SAMD12: variants seen among roughly 807,000 people sequenced by gnomAD.
SAMD12 encodes the protein sterile alpha motif domain containing 12.
Under a neutral mutation model 15.0 loss-of-function variants are expected in SAMD12, and 9 were observed. The ratio of observed to expected loss-of-function variants is 0.60; its 90% CI spans 0.36 to 1.05. SAMD12 has a LOEUF of 1.05. Among genes scored for constraint, SAMD12 ranks in the 50% least tolerant of loss-of-function variants. The pLI is 0.01. For synonymous variants in SAMD12, 86 were observed against 90.1 expected, an observed-to-expected ratio of 0.96 and a Z score of 0.25; for missense variants, 230 against 234.2, an observed-to-expected ratio of 0.98 and a Z score of 0.12.
chr8:118,198,821 C>A (rs1485075448), intron 4 of SAMD12, among the ~76,000 whole-genome samples: 2 of 151,696 alleles, frequency 1.3e-5, no homozygotes, highest in African/African-American at 2.4e-5. Flanking sequence ...TCAATTTATT[C>A]AAAAATTATT....
chr8:118,408,215 G>T (rs1821227822), intron 3 of SAMD12, among the ~76,000 whole-genome samples: 1 of 152,194 alleles, frequency 6.6e-6, no homozygotes, highest in African/African-American at 2.4e-5. Context: ...TGCTACAAAA[G>T]ACCAGATAAA....
At chr8:118,598,064 G>T (rs990113725) in intron 1 of SAMD12, among the ~76,000 whole-genome samples, 1 of 152,056 alleles carries the variant, frequency 6.6e-6, no homozygotes, top group African/African-American at 2.4e-5. Flanking sequence ...CTTCTGTAAG[G>T]CTTCTTTAGC....
At chr8:118,586,101 G>A (rs1160442170) in intron 1 of SAMD12, among the ~76,000 whole-genome samples, 3 of 152,110 alleles carry the variant, frequency 2.0e-5, no homozygotes, top group Admixed American at 6.5e-5. Flanking sequence ...CCCTCAGAAT[G>A]AGCTGGCTCC....
intron 2 of SAMD12, among the ~76,000 whole-genome samples, chr8:118,568,257 A>T (rs974275322): frequency 2.0e-5 from 3 of 152,200 alleles, no homozygotes; most frequent in African/African-American, 7.2e-5. Context: ...CAAGGAAAGA[A>T]GATTCAAGGC....
intron 3 of SAMD12, among the ~76,000 whole-genome samples, chr8:118,430,503 C>G (rs1252120409): frequency 6.6e-6 from 1 of 151,988 alleles, no homozygotes; most frequent in Non-Finnish European, 1.5e-5. Context: ...GCTGGGACTA[C>G]AGGTGTATGC....
At chr8:118,516,306 A>G (rs1473610033) in intron 2 of SAMD12, among the ~76,000 whole-genome samples, 1 of 152,240 alleles carries the variant, frequency 6.6e-6, no homozygotes, top group Non-Finnish European at 1.5e-5. Context: ...CTGCTTTACA[A>G]TAGTTTGCTA....
intron 4 of SAMD12, among the ~76,000 whole-genome samples, chr8:118,311,751 GT>G (rs1363534894): frequency 2.0e-5 from 3 of 152,080 alleles, no homozygotes; most frequent in Non-Finnish European, 4.4e-5. Flanking sequence ...CAGAAACTCT[GT>G]TTTCCTCAGC....
At chr8:118,468,518 C>T (rs374692726) in intron 2 of SAMD12, among the ~76,000 whole-genome samples, 6 of 152,098 alleles carry the variant, frequency 3.9e-5, no homozygotes, top group African/African-American at 1.5e-4. Context: ...TGATATGAAG[C>T]AATGTTCTAT....
the SAMD12 span, among the ~76,000 whole-genome samples, chr8:118,160,921 C>A: frequency 6.6e-6 from 1 of 152,066 alleles, no homozygotes; most frequent in Non-Finnish European, 1.5e-5. Flanking sequence ...TTAGGTATAT[C>A]TCCTAATGCT....
At chr8:118,176,934 T>C in the SAMD12 span, among the ~76,000 whole-genome samples, 1 of 152,278 alleles carries the variant, frequency 6.6e-6, no homozygotes, top group South Asian at 2.1e-4. Context: ...TGTGGGAAAG[T>C]GGTCATTTGG....
intron 2 of SAMD12, among the ~76,000 whole-genome samples, chr8:118,442,289 T>C (rs774480675): frequency 3.9e-5 from 6 of 152,218 alleles, no homozygotes; most frequent in Non-Finnish European, 5.9e-5. Flanking sequence ...AATGAATTAA[T>C]GAAATGAAAC....
chr8:118,616,925 T>C (rs759778249), intron 1 of SAMD12, among the ~76,000 whole-genome samples: 1 of 152,190 alleles, frequency 6.6e-6, no homozygotes, highest in Non-Finnish European at 1.5e-5. Flanking sequence ...ACATGCCTTA[T>C]GAGAATCTAA....
At chr8:118,337,906 T>G (rs1442320633) in intron 4 of SAMD12, among the ~76,000 whole-genome samples, 2 of 152,218 alleles carry the variant, frequency 1.3e-5, no homozygotes, top group African/African-American at 2.4e-5. Context: ...AGATCTGTGG[T>G]AAGAACAAAT....
At chr8:118,465,325 T>C (rs1823563075) in intron 2 of SAMD12, among the ~76,000 whole-genome samples, 1 of 152,158 alleles carries the variant, frequency 6.6e-6, no homozygotes, top group African/African-American at 2.4e-5. Context: ...AACTTTTTTT[T>C]TGCTCTGGTA....
chr8:118,225,779 C>T (rs902609655), intron 4 of SAMD12, among the ~76,000 whole-genome samples: 1 of 152,150 alleles, frequency 6.6e-6, no homozygotes, highest in African/African-American at 2.4e-5. Context: ...AGGGACAGGC[C>T]AAGCGCAGCG....
At chr8:118,615,363 T>A (rs1828214721) in intron 1 of SAMD12, among the ~76,000 whole-genome samples, 1 of 152,166 alleles carries the variant, frequency 6.6e-6, no homozygotes, top group Admixed American at 6.5e-5. Flanking sequence ...TTCAGTCTAA[T>A]CTGCTTCTCT....
chr8:118,150,729 G>A, the SAMD12 span, among the ~76,000 whole-genome samples: 3 of 152,116 alleles, frequency 2.0e-5, no homozygotes, highest in Non-Finnish European at 4.4e-5. Flanking sequence ...AGGAAGAAGA[G>A]TATTTATATT....
At chr8:118,138,660 A>G in the SAMD12 span, among the ~76,000 whole-genome samples, 5 of 152,228 alleles carry the variant, frequency 3.3e-5, no homozygotes, top group African/African-American at 9.6e-5. Flanking sequence ...GAATGGACTA[A>G]GATGGTATTT....
chr8:118,577,436 AT>A (rs1393430417), intron 2 of SAMD12, among the ~76,000 whole-genome samples: 1 of 152,190 alleles, frequency 6.6e-6, no homozygotes, highest in Non-Finnish European at 1.5e-5. Context: ...CAATCCACAT[AT>A]ATACACAGAC....
Sources: gnomAD v4.1 joint callset for allele counts (sites outside exome capture counted in the v4.1 genomes callset) on GRCh38, gnomAD v4.1.1 for gene constraint, MANE v1.5 for transcripts, NCBI Gene and HGNC (gene_info 2026-07-23, HGNC 2026-07-21) for gene names.